SIGLEC12: variants seen among roughly 807,000 people sequenced by gnomAD.
SIGLEC12 encodes sialic acid binding Ig like lectin 12, also known as sialic acid-binding Ig-like lectin 12.
SIGLEC12 carries 43 observed loss-of-function variants against 54.1 expected under a neutral mutation model. The observed-to-expected ratio is 0.80, with a 90% confidence interval of 0.62 to 1.03. The LOEUF (loss-of-function observed/expected upper bound fraction) is 1.03, where lower values mean the gene tolerates loss of function less well. Among genes scored for constraint, SIGLEC12 ranks in the 50% least tolerant of loss-of-function variants. The pLI is 0.00. For missense variants in SIGLEC12, 802 were observed against 735.2 expected (o/e 1.09, Z -1.05); for synonymous variants, 357 against 307.6 (o/e 1.16, Z -1.68).
In SIGLEC12 at chr19:51,498,322, A is replaced by G. The variant is rs553003130; in HGVS notation, c.1136-35T>C. The stretch of plus-strand genomic sequence containing the variant: ...AAGAGACAGAAGGGCAGAGAGAGAC[A>G]AAGTGATCGAGGCAGGGAGGAAGGA... On this transcript the variant is annotated intron_variant, in intron 4 of 7. Coordinates refer to ENST00000291707, the MANE Select transcript of SIGLEC12 (RefSeq NM_053003.4). 47 of 1,548,500 alleles carry G rather than the reference A, an allele frequency of 3.0e-5. No homozygotes were observed. In the South Asian group the frequency reaches 5.1e-4, roughly 17 times the overall value.
intron 1 of SIGLEC12, 54 bp from the exon 2 acceptor site, chr19:51,500,354 C>T: frequency 1.9e-6 from 3 of 1,613,878 alleles, no homozygotes; most frequent in Non-Finnish European, 2.5e-6. Context: ...TTCATTTGCC[C>T]ATAGCAGGGG....
Position 51,499,676 on chromosome 19 carries a change from C to T in SIGLEC12, c.849G>A (p.Leu283=). 6.2e-7 allele frequency: 1 copy of T among 1,614,120 alleles called. No individual in the cohort carries two copies. The highest frequency in any genetic ancestry group is 8.5e-7 in the Non-Finnish European group (1 of 1,180,012). ...TCAGGTTCCTGGGGTGGCCAGACTC[C>T]AGGGTCCCCGGGATGGAGAAGGTGG... The part of the protein sequence containing the change: ...HMPTFSIPGT[L]ESGHPRNLTC... Residue 283 remains leucine, a synonymous_variant, in exon 3 of 8, where the codon CTG becomes CTA. Transcript: ENST00000291707.
chr19:51,501,659 C>A lies in SIGLEC12; in HGVS notation c.75G>T (p.Leu25=). 6.2e-7 allele frequency: 1 copy of A among 1,614,128 alleles called. No individual in the cohort carries two copies. The highest frequency in any genetic ancestry group is 1.7e-4 in the Middle Eastern group (1 of 6,060). The part of the protein sequence containing the change: ...RVGAKEQKDY[L]LTMQKSVTVQ... Reference sequence around the variant, plus strand: ...CCGTCACGGACTTCTGCATTGTCAGCAGGTAATCCTTCTGTTCCTTAGCCC... The same window carrying A: ...CCGTCACGGACTTCTGCATTGTCAGAAGGTAATCCTTCTGTTCCTTAGCCC... The change falls in exon 1 of 8, where the codon CTG becomes CTT. Residue 25 remains leucine, a synonymous_variant. Coordinates refer to ENST00000291707, the MANE Select transcript of SIGLEC12 (RefSeq NM_053003.4).
At position 51,499,900 on chromosome 19, in the gene SIGLEC12, T is replaced by A; in HGVS notation, c.808+20A>T. ...CCCTCGGGCCTTCCCCTCTGGCTGG[T>A]CCTAGAGCCAGAGATTTACCTGTCA... On this transcript the variant is annotated intron_variant, in intron 2 of 7. Coordinates refer to ENST00000291707, the MANE Select transcript of SIGLEC12 (RefSeq NM_053003.4). 1 of 1,591,340 alleles carries A rather than the reference T, an allele frequency of 6.3e-7. No individual in the cohort carries two copies. Among genetic ancestry groups the A allele is most frequent in the Non-Finnish European group, 8.6e-7 (1 of 1,166,862 alleles).
In SIGLEC12 at chr19:51,501,696, C is replaced by G; in HGVS notation, c.38G>C (p.Cys13Ser). Residue 13 changes from cysteine to serine, a missense_variant, in exon 1 of 8, where the codon TGT becomes TCT. By Grantham distance (112) the Cys-to-Ser change is moderately radical. Transcript: ENST00000291707. ...LLLLLLPPLL[C>S]GRVGAKEQKD... is the part of the protein sequence containing the mutation. ...CTGTTCCTTAGCCCCCACTCTCCCA[C>G]AGAGCAGGGGTGGCAGCAGTAGCAG... 1 of 1,613,480 alleles carries G rather than the reference C, an allele frequency of 6.2e-7. No individual in the cohort carries two copies.
At chr19:51,497,941 G>T in intron 5 of SIGLEC12, 77 bp downstream of exon 5, 1 of 1,573,480 alleles carries the variant, frequency 6.4e-7, no homozygotes, top group African/African-American at 1.3e-5. Context: ...TGGGTTGCAG[G>T]GAAATTCCAG....
rs976773437 is a variant in SIGLEC12 at position 51,496,868 on chromosome 19, A to C, written c.1599+12T>G. The C allele has an allele frequency of 1.0e-5, 16 of 1,607,236 alleles. No homozygotes were observed. The highest frequency in any genetic ancestry group is 1.4e-5 in the Non-Finnish European group (16 of 1,173,652). On this transcript the variant is annotated intron_variant, in intron 7 of 7. Transcript: ENST00000291707. ...AGCAGGGGAGAAGGGCTGTGATTCA[A>C]TGCTCACTCACCTGAGAGGCTGAGC...
Position 51,501,681 on chromosome 19 carries a change from G to GC in SIGLEC12, c.52dup (p.Ala18GlyfsTer2). On this transcript the variant is annotated frameshift_variant, in exon 1 of 8. Transcript: ENST00000291707. LOFTEE classifies it high-confidence loss of function. ...CAGCAGGTAATCCTTCTGTTCCTTA[G>GC]CCCCCACTCTCCCACAGAGCAGGGG... 7 of 1,613,918 alleles carry GC rather than the reference G, an allele frequency of 4.3e-6. No individual in the cohort carries two copies. The highest frequency in any genetic ancestry group is 5.9e-6 in the Non-Finnish European group (7 of 1,179,888).
chr19:51,494,803 T>G (rs1221759965), intron 7 of SIGLEC12, among the ~76,000 whole-genome samples: 2 of 152,202 alleles, frequency 1.3e-5, no homozygotes, highest in Admixed American at 1.3e-4. Context: ...AAGGAAATCT[T>G]GTCACACCTT....
chr19:51,501,169 G>A, intron 1 of SIGLEC12, 138 bp downstream of exon 1: 1 of 911,124 alleles, frequency 1.1e-6, no homozygotes. Flanking sequence ...GCGGTCCTGG[G>A]GAAGCTCAGG....
chr19:51,498,044 C>G lies in SIGLEC12; in HGVS notation c.1379G>C (p.Ser460Thr), dbSNP rs762766963. The G allele has an allele frequency of 6.2e-7, 1 of 1,614,230 alleles. No homozygotes were observed. Among genetic ancestry groups the G allele is most frequent in the Non-Finnish European group, 8.5e-7 (1 of 1,180,032 alleles). Residue 460 changes from serine (S) to threonine (T), a missense_variant, in exon 5 of 8, where the codon AGC becomes ACC. By Grantham distance (58) the Ser-to-Thr change is moderately conservative. Coordinates refer to ENST00000291707, the MANE Select transcript of SIGLEC12 (RefSeq NM_053003.4). ...TGTGTACTCGTTTTGCAGGGAGAGG[C>G]TCAGGGAAATGTGCTGGGAGCCTAG... ...NPLGSQHISL[S>T]LSLQNEYTGK...
Position 51,500,122 on chromosome 19 carries a change from T to C in SIGLEC12, c.606A>G (p.Pro202=), listed in dbSNP as rs369537239. The change falls in exon 2 of 8, where the codon CCA becomes CCG. Residue 202 remains proline, a synonymous_variant. Transcript: ENST00000291707. Reference sequence around the variant, plus strand: ...TTCCACTTGGGGTGTTTGTGGCCACTGGAATATCCCATGGTATATCGGCCC... The same window carrying C: ...TTCCACTTGGGGTGTTTGTGGCCACCGGAATATCCCATGGTATATCGGCCC... ...KEGADIPWDI[P]VATNTPSGKV... 1.2e-6 allele frequency: 2 copies of C among 1,614,098 alleles called. No homozygotes were observed.
At chr19:51,501,240 C>G in intron 1 of SIGLEC12, 67 bp downstream of exon 1, 1 of 1,517,482 alleles carries the variant, frequency 6.6e-7, no homozygotes, top group Non-Finnish European at 9.1e-7. Context: ...ACATGTGTCC[C>G]GTCTCAGCCG....
At chr19:51,493,165 C>T (rs1434319159) in intron 7 of SIGLEC12, among the ~76,000 whole-genome samples, 1 of 149,946 alleles carries the variant, frequency 6.7e-6, no homozygotes, top group Non-Finnish European at 1.5e-5. Context: ...TCCAAATGTC[C>T]GTCTTGCAGT....
At chr19:51,498,593 G>A (rs988373272) in intron 4 of SIGLEC12, among the ~76,000 whole-genome samples, 1 of 152,190 alleles carries the variant, frequency 6.6e-6, no homozygotes, top group Non-Finnish European at 1.5e-5. Flanking sequence ...TGTTTGTGCT[G>A]TAGGATAAAA....
intron 7 of SIGLEC12, among the ~76,000 whole-genome samples, chr19:51,495,404 G>A (rs1246590022): frequency 7.6e-6 from 1 of 132,406 alleles, no homozygotes; most frequent in East Asian, 2.4e-4. Flanking sequence ...TGGATGGGTG[G>A]GTGGGTGGGT....
At position 51,499,684 on chromosome 19, in the gene SIGLEC12, C is replaced by T. The variant is rs2122222813; in HGVS notation, c.841G>A (p.Gly281Arg). 6.2e-7 allele frequency: 1 copy of T among 1,614,090 alleles called. No homozygotes were observed. The highest frequency in any genetic ancestry group is 8.5e-7 in the Non-Finnish European group (1 of 1,180,012). Reference protein sequence around the residue: ...LTHMPTFSIPGTLESGHPRNL... With the variant: ...LTHMPTFSIPRTLESGHPRNL... ...CTGGGGTGGCCAGACTCCAGGGTCC[C>T]CGGGATGGAGAAGGTGGGCATGTGA... Residue 281 changes from glycine (G) to arginine (R), a missense_variant, in exon 3 of 8, where the codon GGG becomes AGG. Transcript: ENST00000291707.
chr19:51,497,006 T>G (rs1341236082), intron 6 of SIGLEC12, 30 bp from the exon 7 acceptor site: 2 of 1,612,448 alleles, frequency 1.2e-6, no homozygotes, highest in South Asian at 1.1e-5. Context: ...AGCCTTTCAG[T>G]GTGGTCAGAT....
chr19:51,497,111 G>A (rs1599953208), intron 6 of SIGLEC12, 135 bp from the exon 7 acceptor site: 1 of 1,407,612 alleles, frequency 7.1e-7, no homozygotes, highest in Non-Finnish European at 9.9e-7. Context: ...CCATTCCAGA[G>A]ACCCCAATGT....
Sources: gnomAD v4.1 joint callset for allele counts (sites outside exome capture counted in the v4.1 genomes callset) on GRCh38, gnomAD v4.1.1 for gene constraint, MANE v1.5 for transcripts, NCBI Gene and HGNC (gene_info 2026-07-23, HGNC 2026-07-21) for gene names.